The following RSPRY1 variants were observed in gnomAD, a reference collection of about 807,000 sequenced individuals.
RSPRY1 encodes ring finger and SPRY domain containing 1.
In RSPRY1, 23 loss-of-function variants were observed where a neutral mutation model predicts 73.1. The ratio of observed to expected loss-of-function variants is 0.31; its 90% CI spans 0.23 to 0.45. The LOEUF (loss-of-function observed/expected upper bound fraction) is 0.45, where lower values mean the gene tolerates loss of function less well. Among genes scored for constraint, RSPRY1 ranks in the 20% least tolerant of loss-of-function variants. The pLI is 1.00. For synonymous variants in RSPRY1, 226 were observed against 251.4 expected (o/e 0.90, Z 0.95); for missense variants, 448 against 698.7 (o/e 0.64, Z 4.05).
Position 57,213,022 on chromosome 16 carries a change from T to A in RSPRY1, c.567T>A (p.Ala189=). ...TEILNLNGEV[A]CQDSSHPAKH... ...TTCTCAATTTAAATGGAGAAGTAGC[T>A]TGCCAGGACTCAAGCCATCCTGCCA... The change falls in exon 5 of 15, where the codon GCT becomes GCA. Residue 189 remains alanine (A), a synonymous_variant. Coordinates refer to ENST00000394420, the MANE Select transcript of RSPRY1 (RefSeq NM_133368.3). 6.2e-7 allele frequency: 1 copy of A among 1,614,156 alleles called. No homozygotes were observed. The highest frequency in any genetic ancestry group is 8.5e-7 in the Non-Finnish European group (1 of 1,180,002).
At chr16:57,224,784 G>A (rs1035211593) in intron 10 of RSPRY1, among the ~76,000 whole-genome samples, 1 of 152,204 alleles carries the variant, frequency 6.6e-6, no homozygotes, top group Admixed American at 6.5e-5. Flanking sequence ...CCACTCTGTT[G>A]TGGAACTTAT....
chr16:57,238,664 A>G (rs1262479307), intron 14 of RSPRY1, among the ~76,000 whole-genome samples: 1 of 152,236 alleles, frequency 6.6e-6, no homozygotes, highest in African/African-American at 2.4e-5. Context: ...GAAAGAATGC[A>G]TATGAACTTT....
chr16:57,195,658 G>C (rs1449445717), intron 1 of RSPRY1, among the ~76,000 whole-genome samples: 1 of 150,904 alleles, frequency 6.6e-6, no homozygotes, highest in Non-Finnish European at 1.5e-5. Flanking sequence ...TAAATTGTGT[G>C]ACTAGCTTTT....
intron 14 of RSPRY1, among the ~76,000 whole-genome samples, chr16:57,238,221 C>T (rs1329124277): frequency 2.0e-5 from 3 of 152,020 alleles, no homozygotes; most frequent in African/African-American, 7.2e-5. Flanking sequence ...GATAGGAGGA[C>T]CTCTCAGTAT....
rs115334015 is a variant in RSPRY1 at position 57,233,751 on chromosome 16, A to G, written c.1530-1373A>G. ...TATCCTTGACACCTTACTTTCTGCT[A>G]TTTCCACATTCAATCCCTCAGCAAA... On this transcript the variant is annotated intron_variant, in intron 13 of 14. Coordinates refer to ENST00000394420, the MANE Select transcript of RSPRY1 (RefSeq NM_133368.3). Among the ~76,000 whole-genome samples the G allele has an allele frequency of 7.1e-3, 1,088 of 152,178 alleles. 12 individuals are homozygous for G. Among genetic ancestry groups the G allele is most frequent in the African/African-American group, 0.025 (1,046 of 41,524 alleles).
chr16:57,219,328 G>C (rs2074997205), intron 8 of RSPRY1, among the ~76,000 whole-genome samples: 1 of 152,064 alleles, frequency 6.6e-6, no homozygotes, highest in South Asian at 2.1e-4. Context: ...ATTCATTGTT[G>C]CCTGTTTTTT....
At chr16:57,187,626 G>A (rs1006010847) in intron 1 of RSPRY1, among the ~76,000 whole-genome samples, 14 of 152,210 alleles carry the variant, frequency 9.2e-5, no homozygotes, top group African/African-American at 2.4e-4. Context: ...ACGGGTTGCT[G>A]TTGAGGAATA....
At chr16:57,215,358 C>G (rs550463967) in intron 6 of RSPRY1, among the ~76,000 whole-genome samples, 1 of 152,284 alleles carries the variant, frequency 6.6e-6, no homozygotes, top group South Asian at 2.1e-4. Flanking sequence ...GCTGAATAGG[C>G]TTTCCAGCAG....
At chr16:57,214,079 G>A (rs1438636548) in intron 6 of RSPRY1, 133 bp downstream of exon 6, 18 of 657,176 alleles carry the variant, frequency 2.7e-5, no homozygotes, top group East Asian at 2.7e-5. Flanking sequence ...TTATTTGCAG[G>A]TGTTTCCCGA....
chr16:57,236,777 ATAAATC>A (rs1371017758), intron 14 of RSPRY1, among the ~76,000 whole-genome samples: 2 of 152,222 alleles, frequency 1.3e-5, no homozygotes, highest in African/African-American at 4.8e-5. Flanking sequence ...TTTTATGAAT[ATAAATC>A]TAAAACTCCC....
At chr16:57,234,087 A>G (rs1010222933) in intron 13 of RSPRY1, among the ~76,000 whole-genome samples, 1 of 151,878 alleles carries the variant, frequency 6.6e-6, no homozygotes, top group Non-Finnish European at 1.5e-5. Context: ...TCCCTTCCCT[A>G]TGTTACTTTT....
intron 11 of RSPRY1, among the ~76,000 whole-genome samples, chr16:57,229,248 A>C (rs1290297293): frequency 6.6e-6 from 1 of 152,112 alleles, no homozygotes; most frequent in Non-Finnish European, 1.5e-5. Flanking sequence ...TTTTCTTGTC[A>C]TTGCTGTGTA....
At chr16:57,231,090 C>G (rs2075211939) in intron 12 of RSPRY1, 77 bp from the exon 13 acceptor site, 1 of 1,412,558 alleles carries the variant, frequency 7.1e-7, no homozygotes, top group South Asian at 1.3e-5. Flanking sequence ...CCCTGCCTTT[C>G]TGAAAACTGT....
intron 8 of RSPRY1, among the ~76,000 whole-genome samples, chr16:57,218,487 C>T (rs1471635515): frequency 6.6e-6 from 1 of 152,066 alleles, no homozygotes; most frequent in Non-Finnish European, 1.5e-5. Context: ...CTCCCCCACC[C>T]CCACTACCCT....
chr16:57,211,741 G>A (rs1423164652), intron 4 of RSPRY1, among the ~76,000 whole-genome samples: 3 of 139,914 alleles, frequency 2.1e-5, no homozygotes, highest in Non-Finnish European at 4.6e-5. Flanking sequence ...TTCTTCTTTT[G>A]GATTCTGGCA....
intron 3 of RSPRY1, 71 bp downstream of exon 3, chr16:57,208,181 T>TTTTTG (rs148079684): frequency 0.022 from 21,771 of 975,220 alleles, 501 homozygotes; most frequent in Middle Eastern, 0.028. Context: ...CACCTTTTGT[T>TTTTTG]TTTTGTTTTG....
chr16:57,202,341 A>T (rs1489435597), intron 1 of RSPRY1, among the ~76,000 whole-genome samples: 1 of 152,130 alleles, frequency 6.6e-6, no homozygotes, highest in East Asian at 1.9e-4. Context: ...CTGTGAGAGG[A>T]CCCAGAGCAT....
intron 10 of RSPRY1, among the ~76,000 whole-genome samples, chr16:57,221,860 C>T (rs552012525): frequency 6.6e-6 from 1 of 152,306 alleles, no homozygotes; most frequent in South Asian, 2.1e-4. Context: ...AATTAGTTGG[C>T]ATATTTTTCT....
chr16:57,238,751 T>TA (rs2075337738), intron 14 of RSPRY1, 128 bp from the exon 15 acceptor site: 2 of 529,906 alleles, frequency 3.8e-6, no homozygotes, highest in East Asian at 6.2e-5. Flanking sequence ...TCATTTTTTT[T>TA]AAACCATGTA....
Sources: allele counts gnomAD v4.1 joint callset (sites outside exome capture counted in the v4.1 genomes callset), GRCh38; gene constraint gnomAD v4.1.1; transcripts MANE v1.5; gene names NCBI Gene and HGNC (gene_info 2026-07-23, HGNC 2026-07-21).